Variants in NAV2 observed in about 807,000 individuals in gnomAD.
NAV2 encodes the protein neuron navigator 2.
In NAV2, 54 loss-of-function variants were observed where a neutral mutation model predicts 223.2. The ratio of observed to expected loss-of-function variants is 0.24; its 90% confidence interval spans 0.19 to 0.30. The LOEUF is 0.30. Ranked by LOEUF, NAV2 falls within the 10% of genes least tolerant of loss-of-function variation. The probability of loss-of-function intolerance (pLI) is 1.00; values close to 1 mark genes in which losing one functional copy is unlikely to be tolerated. For missense variants in NAV2, 2,806 were observed against 3,147.5 expected (o/e 0.89, Z 2.60); for synonymous variants, 1,279 against 1,239.3 (o/e 1.03, Z -0.67).
chr11:20,101,268 C>A (rs1357523589), intron 32 of NAV2, 96 bp downstream of exon 32: 5 of 1,010,424 alleles, frequency 4.9e-6, no homozygotes, highest in South Asian at 3.2e-5. Context: ...TTCCTATCAA[C>A]AATCCTTGGG....
Position 20,062,495 on chromosome 11 carries a change from A to C in NAV2, c.4884+136A>C. The stretch of plus-strand genomic sequence containing the variant: ...TAAGGGGATCAATTAATTAGGGAAC[A>C]AGATTTAAAATTCACAAACAGCTAT... On this transcript the variant is annotated intron_variant, in intron 20 of 37. Transcript: ENST00000349880. 3 of 666,144 alleles carry C rather than the reference A, an allele frequency of 4.5e-6. 1 individual carries two copies. Among genetic ancestry groups the C allele is most frequent in the Non-Finnish European group, 7.4e-6 (3 of 406,256 alleles). The allele number at this position is 666,144 out of a possible 1,614,324, so 41.3% of individuals were successfully genotyped here.
At chr11:19,817,157 A>T (rs2059134395) in intron 1 of NAV2, among the ~76,000 whole-genome samples, 1 of 152,166 alleles carries the variant, frequency 6.6e-6, no homozygotes, top group Non-Finnish European at 1.5e-5. Context: ...GAATTTTAAT[A>T]AGCAATGTAC....
At chr11:19,641,326 G>A (rs747730497) in intron 1 of NAV2, among the ~76,000 whole-genome samples, 11 of 152,056 alleles carry the variant, frequency 7.2e-5, no homozygotes, top group Non-Finnish European at 1.5e-4. Flanking sequence ...GTCTGCCTAC[G>A]AAATAAGTCT....
intron 10 of NAV2, among the ~76,000 whole-genome samples, chr11:19,982,797 G>A (rs192322351): frequency 6.7e-4 from 102 of 152,196 alleles, no homozygotes; most frequent in Admixed American, 1.9e-3. Flanking sequence ...GGGCAGCCTC[G>A]TCTGCATCTC....
At chr11:19,387,905 C>G (rs1336091216) in intron 1 of NAV2, among the ~76,000 whole-genome samples, 2 of 152,288 alleles carry the variant, frequency 1.3e-5, no homozygotes, top group African/African-American at 4.8e-5. Context: ...GATTCACCCA[C>G]TTGTTCTCTT....
At chr11:19,769,987 A>G (rs942112615) in intron 1 of NAV2, among the ~76,000 whole-genome samples, 3 of 152,158 alleles carry the variant, frequency 2.0e-5, no homozygotes, top group Non-Finnish European at 4.4e-5. Flanking sequence ...CCCACAGGGA[A>G]AATAAAATAA....
Position 20,095,718 on chromosome 11 carries a change from G to A in NAV2, c.5963G>A (p.Gly1988Asp). 1.2e-6 allele frequency: 2 copies of A among 1,614,094 alleles called. No individual in the cohort carries two copies. Among genetic ancestry groups the A allele is most frequent in the Non-Finnish European group, 1.7e-6 (2 of 1,179,978 alleles). ...CTTATTGGCTGCATTGGAGTTAGTG[G>A]CAAGACGAAGTGGGATGTGCTCGAT... ...LFLIGCIGVS[G>D]KTKWDVLDGV... Residue 1988 changes from glycine (G) to aspartate (D), a missense_variant, in exon 30 of 38, where the codon GGC becomes GAC. Transcript: ENST00000349880.
chr11:19,587,221 T>C (rs2045930233), intron 1 of NAV2, among the ~76,000 whole-genome samples: 1 of 152,150 alleles, frequency 6.6e-6, no homozygotes, highest in Non-Finnish European at 1.5e-5. Context: ...GCTAAGACCA[T>C]TGGAAAAGCA....
At chr11:19,782,164 C>T (rs555452889) in intron 1 of NAV2, among the ~76,000 whole-genome samples, 68 of 152,302 alleles carry the variant, frequency 4.5e-4, no homozygotes, top group African/African-American at 1.6e-3. Context: ...GCAAGAAGTT[C>T]CATTCTTTCC....
intron 1 of NAV2, among the ~76,000 whole-genome samples, chr11:19,371,666 G>A (rs755745030): frequency 3.9e-5 from 6 of 151,992 alleles, no homozygotes; most frequent in Non-Finnish European, 8.8e-5. Flanking sequence ...AGATTCAAGA[G>A]GAAGCCATCC....
At chr11:19,773,350 A>C (rs2055871585) in intron 1 of NAV2, among the ~76,000 whole-genome samples, 1 of 152,182 alleles carries the variant, frequency 6.6e-6, no homozygotes, top group African/African-American at 2.4e-5. Context: ...CAGCCCCACC[A>C]GGGGCTCCAC....
chr11:19,845,710 G>A (rs1249574803), intron 3 of NAV2, among the ~76,000 whole-genome samples: 1 of 152,178 alleles, frequency 6.6e-6, no homozygotes, highest in Non-Finnish European at 1.5e-5. Flanking sequence ...CCACTAGGCT[G>A]CCCAGCTGCT....
chr11:19,948,954 A>T lies in NAV2; in HGVS notation c.2519A>T (p.His840Leu). 6.2e-7 allele frequency: 1 copy of T among 1,613,962 alleles called. No individual in the cohort carries two copies. ...QLASRGSSVC[H>L]VDVSDKAGDE... ...GCCTCCCGGGGCAGTAGTGTCTGCC[A>T]TGTGGACGTCTCAGACAAGGCAGGA... The change falls in exon 10 of 38, where the codon CAT becomes CTT. Residue 840 changes from histidine to leucine, a missense_variant. This residue lies in a region of NAV2 where 1,167 missense variants were observed against 1,180.5 expected (regional missense o/e 0.99). Transcript: ENST00000349880.
chr11:19,654,824 G>A (rs1213287844), intron 1 of NAV2, among the ~76,000 whole-genome samples: 4 of 152,196 alleles, frequency 2.6e-5, no homozygotes, highest in African/African-American at 7.2e-5. Context: ...TCAGGACATA[G>A]GCATGGGCAA....
intron 10 of NAV2, among the ~76,000 whole-genome samples, chr11:19,963,262 C>A (rs2048487792): frequency 6.6e-6 from 1 of 152,156 alleles, no homozygotes; most frequent in African/African-American, 2.4e-5. Flanking sequence ...TGTTTCTCGT[C>A]CCAGTTTTAC....
chr11:19,862,493 T>A (rs939166031), intron 3 of NAV2, among the ~76,000 whole-genome samples: 2 of 152,220 alleles, frequency 1.3e-5, no homozygotes, highest in African/African-American at 2.4e-5. Flanking sequence ...GCCCCTCTTA[T>A]GACAGGACGA....
At chr11:19,987,000 A>G (rs537236035) in intron 11 of NAV2, among the ~76,000 whole-genome samples, 1 of 152,360 alleles carries the variant, frequency 6.6e-6, no homozygotes, top group Non-Finnish European at 1.5e-5. Context: ...TAGATGGCAG[A>G]TAGGAAAATA....
chr11:20,084,028 G>T (rs914286388), intron 26 of NAV2, among the ~76,000 whole-genome samples: 1 of 152,232 alleles, frequency 6.6e-6, no homozygotes, highest in African/African-American at 2.4e-5. Context: ...GATCTTTGTA[G>T]TATACCAACT....
Position 19,705,195 on chromosome 11 carries a change from G to T in NAV2, c.76-127289G>T, listed in dbSNP as rs1389009822. Among the ~76,000 whole-genome samples, 3 of 152,078 alleles carry T rather than the reference G, an allele frequency of 2.0e-5. No homozygotes were observed. The South Asian group carries it at 6.2e-4, about 32-fold the overall frequency. ...CAGACAAACAAACAAAACAAACCTT[G>T]CATGTCAGATCCAGCCTAGAATCTG... On this transcript the variant is annotated intron_variant, in intron 1 of 37. Coordinates refer to the NAV2 transcript ENST00000360655.
Sources: gnomAD v4.1 joint callset for allele counts (sites outside exome capture counted in the v4.1 genomes callset) on GRCh38, gnomAD v4.1.1 for gene constraint, gnomAD v4.1.1 regional missense constraint, MANE v1.5 for transcripts, NCBI Gene and HGNC (gene_info 2026-07-23, HGNC 2026-07-21) for gene names.